The following MYO5B variants were observed in gnomAD, a reference collection of about 807,000 sequenced individuals.
The protein encoded by MYO5B is unconventional myosin-Vb.
In MYO5B, 143 loss-of-function variants were observed where a neutral mutation model predicts 229.3. That is an observed-to-expected ratio of 0.62 (90% CI 0.54 to 0.72). MYO5B has a LOEUF of 0.72. Ranked by LOEUF, MYO5B falls within the 30% of genes least tolerant of loss-of-function variation. The pLI is 0.00. For synonymous variants in MYO5B, 918 were observed against 885.2 expected, an observed-to-expected ratio of 1.04 and a Z score of -0.66; for missense variants, 2,321 against 2,331.0, an observed-to-expected ratio of 1.00 and a Z score of 0.09.
chr18:49,918,429 G>A (rs983088748), intron 17 of MYO5B, among the ~76,000 whole-genome samples: 5 of 152,196 alleles, frequency 3.3e-5, no homozygotes, highest in African/African-American at 1.2e-4. Context: ...GTCCTGATGG[G>A]TAACCTAAGG....
chr18:49,851,798 T>C (rs2024203757), intron 31 of MYO5B, among the ~76,000 whole-genome samples: 1 of 152,220 alleles, frequency 6.6e-6, no homozygotes. Flanking sequence ...GTCTCCTCTC[T>C]GCCTGAGGTC....
intron 31 of MYO5B, chr18:49,851,012 A>G (rs545892827): frequency 6.6e-6 from 1 of 152,234 alleles, no homozygotes; most frequent in Admixed American, 6.5e-5. Context: ...TCCTCTGTAC[A>G]ATATTATCAA....
chr18:49,929,069 C>G (rs1348287745), intron 17 of MYO5B, among the ~76,000 whole-genome samples: 1 of 152,090 alleles, frequency 6.6e-6, no homozygotes, highest in African/African-American at 2.4e-5. Flanking sequence ...CACTGAAGAA[C>G]TTATTCATGT....
intron 1 of MYO5B, among the ~76,000 whole-genome samples, chr18:50,104,264 T>TTATA (rs1568107895): frequency 2.5e-4 from 18 of 71,430 alleles, no homozygotes; most frequent in African/African-American, 7.0e-4. Context: ...GATCTATACA[T>TTATA]GATATATATA....
At chr18:49,925,617 G>C (rs1055098088) in intron 17 of MYO5B, among the ~76,000 whole-genome samples, 1 of 152,192 alleles carries the variant, frequency 6.6e-6, no homozygotes, top group South Asian at 2.1e-4. Context: ...CAGTGGATAA[G>C]GAAATGTTTT....
intron 14 of MYO5B, among the ~76,000 whole-genome samples, chr18:49,943,886 C>A (rs1423294116): frequency 6.6e-6 from 1 of 152,126 alleles, no homozygotes; most frequent in South Asian, 2.1e-4. Flanking sequence ...AGACAGGATT[C>A]TCTTAGGGAG....
chr18:49,842,112 A>G (rs2024065541), intron 34 of MYO5B, among the ~76,000 whole-genome samples: 2 of 151,986 alleles, frequency 1.3e-5, no homozygotes, highest in South Asian at 4.2e-4. Context: ...AAAAAAAAAG[A>G]AATGAGGTTG....
chr18:50,040,033 T>C (rs1299732421), intron 3 of MYO5B, 110 bp downstream of exon 3: 5 of 1,218,778 alleles, frequency 4.1e-6, no homozygotes, highest in South Asian at 3.7e-5. Flanking sequence ...AGTGGAGAGA[T>C]ACTTACAAAT....
chr18:50,022,667 A>C (rs2026289423), intron 4 of MYO5B, among the ~76,000 whole-genome samples: 1 of 152,212 alleles, frequency 6.6e-6, no homozygotes, highest in Non-Finnish European at 1.5e-5. Flanking sequence ...CTCAGATATC[A>C]AGAGTGAGGT....
chr18:50,187,916 A>G (rs2033171468), intron 1 of MYO5B, among the ~76,000 whole-genome samples: 1 of 152,152 alleles, frequency 6.6e-6, no homozygotes, highest in African/African-American at 2.4e-5. Flanking sequence ...GCAATGTGGA[A>G]CCCTAAACAG....
chr18:49,947,696 C>T (rs577818058), intron 14 of MYO5B, among the ~76,000 whole-genome samples: 13 of 152,240 alleles, frequency 8.5e-5, no homozygotes, highest in African/African-American at 2.6e-4. Context: ...TTGTCCCCTT[C>T]GAACTCAAAC....
At chr18:50,010,618 A>T (rs2026151376) in intron 4 of MYO5B, among the ~76,000 whole-genome samples, 1 of 152,230 alleles carries the variant, frequency 6.6e-6, no homozygotes, top group Admixed American at 6.5e-5. Context: ...CTAATGTCCA[A>T]AATACACTGG....
At chr18:49,888,156 T>C (rs1225029910) in intron 22 of MYO5B, among the ~76,000 whole-genome samples, 2 of 152,164 alleles carry the variant, frequency 1.3e-5, no homozygotes, top group Non-Finnish European at 1.5e-5. Context: ...GTCAACATTC[T>C]GGGCTGGACA....
chr18:49,977,927 C>T (rs2025769893), intron 9 of MYO5B, among the ~76,000 whole-genome samples: 1 of 152,188 alleles, frequency 6.6e-6, no homozygotes, highest in South Asian at 2.1e-4. Flanking sequence ...GAGAGGTTAG[C>T]ACACTTGCCG....
At chr18:49,961,670 C>T (rs1436250807) in intron 12 of MYO5B, among the ~76,000 whole-genome samples, 1 of 152,196 alleles carries the variant, frequency 6.6e-6, no homozygotes, top group African/African-American at 2.4e-5. Flanking sequence ...ATTAGATGAA[C>T]CCCTATCATC....
chr18:49,891,686 T>C (rs1016252337), intron 22 of MYO5B, among the ~76,000 whole-genome samples: 2 of 151,122 alleles, frequency 1.3e-5, no homozygotes, highest in African/African-American at 2.4e-5. Context: ...CTGGTCAAAG[T>C]AGCTCTGCTC....
At chr18:50,043,299 A>ATT (rs1568083160) in intron 2 of MYO5B, among the ~76,000 whole-genome samples, 16,800 of 113,112 alleles carry the variant, frequency 0.15, 1,416 homozygotes, top group South Asian at 0.21. Flanking sequence ...TATTATATAT[A>ATT]ATATATAATA....
At chr18:50,121,101 T>G (rs1033145744) in intron 1 of MYO5B, among the ~76,000 whole-genome samples, 29 of 152,192 alleles carry the variant, frequency 1.9e-4, no homozygotes, top group Admixed American at 1.1e-3. Flanking sequence ...TTCTCAGTCC[T>G]CGAGGCCTAG....
chr18:50,096,035 GC>G (rs1281538955), intron 1 of MYO5B, among the ~76,000 whole-genome samples: 1 of 152,126 alleles, frequency 6.6e-6, no homozygotes, highest in African/African-American at 2.4e-5. Flanking sequence ...CAGTCACCAA[GC>G]TCAGAACTTC....
Sources: allele counts gnomAD v4.1 joint callset (sites outside exome capture counted in the v4.1 genomes callset), GRCh38; gene constraint gnomAD v4.1.1; transcripts MANE v1.5; gene names NCBI Gene and HGNC (gene_info 2026-07-23, HGNC 2026-07-21).